Variants in APP observed in about 807,000 individuals in gnomAD.
APP encodes the protein amyloid beta precursor protein, also known as amyloid-beta precursor protein.
Under a neutral mutation model 101.4 loss-of-function variants are expected in APP, and 31 were observed. The ratio of observed to expected loss-of-function variants is 0.31; its 90% CI spans 0.23 to 0.41. APP has a LOEUF of 0.41. Ranked by LOEUF, APP falls within the 10% of genes least tolerant of loss-of-function variation. The pLI, the probability that APP is intolerant of heterozygous loss-of-function variation, is 1.00. For synonymous variants in APP, 366 were observed against 364.4 expected, an observed-to-expected ratio of 1.00 and a Z score of -0.05; for missense variants, 839 against 1,003.7, an observed-to-expected ratio of 0.84 and a Z score of 2.22.
rs869179482 is a variant in APP at position 26,084,227 on chromosome 21, A to ATTTTT, written c.355+5711_355+5715dup. On this transcript the variant is annotated intron_variant, in intron 3 of 17. Transcript: ENST00000346798. ...AGGATGACCTACCTAGAAGGGCTCCATTTTTTTTTTTTTTTTTTTTTTTTT... is the reference window on the plus strand; with the variant it reads ...AGGATGACCTACCTAGAAGGGCTCCATTTTTTTTTTTTTTTTTTTTTTTTTTTTTT... Among the ~76,000 whole-genome samples the ATTTTT allele has an allele frequency of 3.5e-4, 29 of 83,062 alleles. 1 individual carries two copies. Among genetic ancestry groups the ATTTTT allele is most frequent in the African/African-American group, 4.5e-4 (9 of 19,880 alleles). The allele number at this position is 83,062 out of a possible 152,430, so 54.5% of individuals were successfully genotyped here.
intron 1 of APP, among the ~76,000 whole-genome samples, chr21:26,125,692 G>A (rs1325652171): frequency 1.3e-5 from 2 of 152,148 alleles, no homozygotes; most frequent in African/African-American, 4.8e-5. Context: ...GGGAGAAAAA[G>A]AAGGAAAACA....
At chr21:26,082,966 T>C (rs1251606789) in intron 3 of APP, among the ~76,000 whole-genome samples, 1 of 152,242 alleles carries the variant, frequency 6.6e-6, no homozygotes, top group African/African-American at 2.4e-5. Flanking sequence ...ATTGTTTAAA[T>C]AGATTTAAAT....
intron 1 of APP, among the ~76,000 whole-genome samples, chr21:26,121,957 G>A (rs1440240066): frequency 6.6e-6 from 1 of 152,122 alleles, no homozygotes; most frequent in East Asian, 1.9e-4. Context: ...AGCTGCAGGT[G>A]GGAATATAAT....
intron 16 of APP, among the ~76,000 whole-genome samples, chr21:25,894,037 T>A (rs1366789163): frequency 6.6e-6 from 1 of 152,240 alleles, no homozygotes; most frequent in Non-Finnish European, 1.5e-5. Flanking sequence ...CTAAATCTAC[T>A]GTGCCCATGC....
In APP at chr21:26,094,565, T is replaced by C. The variant is rs992800408; in HGVS notation, c.226-4493A>G. 8.7e-5 allele frequency among the ~76,000 whole-genome samples: 13 copies of C among 149,298 alleles called. 1 individual carries two copies. Among genetic ancestry groups the C allele is most frequent in the African/African-American group, 3.2e-4 (13 of 41,094 alleles). The stretch of plus-strand genomic sequence containing the variant: ...TATGTTTACATAGATATAAAAATAT[T>C]TATATTTATATAAAATATAAATATA... On this transcript the variant is annotated intron_variant, in intron 2 of 17. Transcript: ENST00000346798.
At chr21:26,058,324 T>A (rs1464910558) in intron 3 of APP, among the ~76,000 whole-genome samples, 3 of 152,206 alleles carry the variant, frequency 2.0e-5, no homozygotes, top group African/African-American at 7.2e-5. Context: ...GTGCCATTAC[T>A]GTGATCTGGT....
chr21:26,006,641 T>A (rs1451188612), intron 6 of APP, among the ~76,000 whole-genome samples: 1 of 152,248 alleles, frequency 6.6e-6, no homozygotes, highest in Non-Finnish European at 1.5e-5. Flanking sequence ...TCTGAATAGA[T>A]ATTTCAAATT....
intron 1 of APP, among the ~76,000 whole-genome samples, chr21:26,149,537 C>T (rs2063219601): frequency 6.6e-6 from 1 of 152,144 alleles, no homozygotes; most frequent in South Asian, 2.1e-4. Flanking sequence ...CGGTTGACCG[C>T]CAGGTTACTG....
intron 5 of APP, among the ~76,000 whole-genome samples, chr21:26,024,390 T>C (rs940477616): frequency 3.3e-5 from 5 of 151,906 alleles, no homozygotes; most frequent in African/African-American, 1.2e-4. Flanking sequence ...GAGAAGCTCA[T>C]CATTGGGAAA....
chr21:26,121,996 G>A (rs1035851579), intron 1 of APP, among the ~76,000 whole-genome samples: 1 of 152,158 alleles, frequency 6.6e-6, no homozygotes, highest in African/African-American at 2.4e-5. Context: ...AGAGGTAGTG[G>A]GTCTACCATT....
At chr21:26,118,101 T>C (rs1171624514) in intron 1 of APP, among the ~76,000 whole-genome samples, 1 of 152,214 alleles carries the variant, frequency 6.6e-6, no homozygotes, top group African/African-American at 2.4e-5. Flanking sequence ...TGTTCTCAAG[T>C]TGACCCAAAA....
chr21:26,135,880 T>C (rs2062886785), intron 1 of APP, among the ~76,000 whole-genome samples: 1 of 151,976 alleles, frequency 6.6e-6, no homozygotes, highest in South Asian at 2.1e-4. Context: ...ACACCTGTAA[T>C]CCCAGCACGC....
At chr21:25,954,099 A>C (rs2041207599) in intron 13 of APP, among the ~76,000 whole-genome samples, 2 of 151,662 alleles carry the variant, frequency 1.3e-5, no homozygotes, top group African/African-American at 4.9e-5. Flanking sequence ...AATAACCTCA[A>C]AGTCACAAGT....
At chr21:26,100,413 A>G (rs2062030477) in intron 2 of APP, among the ~76,000 whole-genome samples, 1 of 152,228 alleles carries the variant, frequency 6.6e-6, no homozygotes. Context: ...TTTTCAGCCT[A>G]CAAGGGTGAA....
In APP at chr21:26,088,796, G is replaced by GA. The variant is rs1489266546; in HGVS notation, c.355+1146dup. ...GGAACAAGGAATAAGGAGGAAAAAG[G>GA]AAACTCTTGAATTATCAGATGTTTA... is the stretch of plus-strand genomic sequence containing the variant. On this transcript the variant is annotated intron_variant, in intron 3 of 17. Coordinates refer to ENST00000346798, the MANE Select transcript of APP (RefSeq NM_000484.4). 2.6e-5 allele frequency among the ~76,000 whole-genome samples: 4 copies of GA among 152,168 alleles called. No individual in the cohort carries two copies. The East Asian group carries it at 7.7e-4, about 29-fold the overall frequency.
chr21:25,949,437 G>C (rs1479090406), intron 13 of APP, among the ~76,000 whole-genome samples: 1 of 152,190 alleles, frequency 6.6e-6, no homozygotes, highest in Non-Finnish European at 1.5e-5. Flanking sequence ...ATCAATCACA[G>C]CTTTAGAGGA....
chr21:26,114,329 G>A (rs1484798323), intron 1 of APP, among the ~76,000 whole-genome samples: 2 of 152,132 alleles, frequency 1.3e-5, no homozygotes, highest in African/African-American at 2.4e-5. Flanking sequence ...AATAGTCCCT[G>A]CCTCCTGCTA....
chr21:26,156,847 T>C (rs919023573), intron 1 of APP, among the ~76,000 whole-genome samples: 2 of 125,676 alleles, frequency 1.6e-5, no homozygotes, highest in African/African-American at 5.0e-5. Flanking sequence ...CTTAACTATA[T>C]GGGCTTCACG....
Position 26,089,996 on chromosome 21 carries a change from C to T in APP, c.302G>A (p.Gly101Asp), listed in dbSNP as rs532382285. 4 of 1,614,208 alleles carry T rather than the reference C, an allele frequency of 2.5e-6. No individual in the cohort carries two copies. In the African/African-American group the frequency reaches 5.3e-5, roughly 22 times the overall value. Residue 101 changes from glycine to aspartate, a missense_variant, in exon 3 of 18, where the codon GGC becomes GAC. Physicochemically the swap from Gly to Asp is moderately conservative, Grantham distance 94. Transcript: ENST00000346798. ...GGGATGGGTCTTGCACTGCTTGCGG[C>T]CCCGCTTGCACCAGTTCTGGATGGT... is the stretch of plus-strand genomic sequence containing the variant. Reference protein sequence around the residue: ...PVTIQNWCKRGRKQCKTHPHF... With the variant: ...PVTIQNWCKRDRKQCKTHPHF...
Sources: gnomAD v4.1 joint callset for allele counts (sites outside exome capture counted in the v4.1 genomes callset) on GRCh38, gnomAD v4.1.1 for gene constraint, MANE v1.5 for transcripts, NCBI Gene and HGNC (gene_info 2026-07-23, HGNC 2026-07-21) for gene names.